RAPGEF1: variants seen among roughly 807,000 people sequenced by gnomAD.
RAPGEF1 encodes Rap guanine nucleotide exchange factor 1, also known as CRK SH3-binding GNRP.
In RAPGEF1, 33 loss-of-function variants were observed where a neutral mutation model predicts 143.3. The observed-to-expected ratio is 0.23, with a 90% CI of 0.17 to 0.31. RAPGEF1 has a LOEUF of 0.31. RAPGEF1 is among the 10% of genes least tolerant of loss of function. The pLI is 1.00. For missense variants in RAPGEF1, 1,199 were observed against 1,645.4 expected (o/e 0.73, Z 4.69); for synonymous variants, 629 against 676.5 (o/e 0.93, Z 1.09).
chr9:131,627,950 A>G lies in RAPGEF1; in HGVS notation c.1164T>C (p.Ser388=), dbSNP rs2133029903. The G allele has an allele frequency of 1.3e-6, 2 of 1,589,224 alleles. No individual in the cohort carries two copies. Among genetic ancestry groups the G allele is most frequent in the East Asian group, 4.6e-5 (2 of 43,728 alleles). ...DEQLSSLDRD[S]GQCSRNTSCE... Reference sequence around the variant, plus strand: ...AGCTTGTGTTCCGGGAGCACTGCCCACTGTCCCTGTCCAGAGAGGACAGCT... The same window carrying G: ...AGCTTGTGTTCCGGGAGCACTGCCCGCTGTCCCTGTCCAGAGAGGACAGCT... The change falls in exon 9 of 27, where the codon AGT becomes AGC. Residue 388 remains serine, a synonymous_variant. Coordinates refer to ENST00000683357, the MANE Select transcript of RAPGEF1 (RefSeq NM_001377935.1).
chr9:131,611,362 A>G (rs1301394000), intron 12 of RAPGEF1, among the ~76,000 whole-genome samples: 2 of 152,246 alleles, frequency 1.3e-5, no homozygotes, highest in African/African-American at 4.8e-5. Flanking sequence ...GAATATCCTA[A>G]GAAAAAAGGA....
intron 1 of RAPGEF1, among the ~76,000 whole-genome samples, chr9:131,689,043 T>TA (rs1833582750): frequency 1.3e-5 from 2 of 152,252 alleles, no homozygotes; most frequent in Non-Finnish European, 2.9e-5. Context: ...TTAAACTCGT[T>TA]TCATCCAAGA....
chr9:131,646,141 T>C (rs1483242111), intron 3 of RAPGEF1, among the ~76,000 whole-genome samples: 1 of 152,188 alleles, frequency 6.6e-6, no homozygotes, highest in Non-Finnish European at 1.5e-5. Context: ...GGATTTTATA[T>C]AGGCTATTTT....
At chr9:131,731,564 T>C (rs985916300) in intron 1 of RAPGEF1, among the ~76,000 whole-genome samples, 4 of 152,186 alleles carry the variant, frequency 2.6e-5, no homozygotes, top group Non-Finnish European at 5.9e-5. Context: ...TTACTGTCAG[T>C]GTCACACTCC....
At chr9:131,633,478 T>C (rs1209210579) in intron 5 of RAPGEF1, among the ~76,000 whole-genome samples, 1 of 152,208 alleles carries the variant, frequency 6.6e-6, no homozygotes, top group Non-Finnish European at 1.5e-5. Flanking sequence ...GTCTGTGTTG[T>C]TTGCATCTGT....
Position 131,604,915 on chromosome 9 carries a change from C to T in RAPGEF1, c.2319+16G>A, listed in dbSNP as rs1168598703. ...GTGTGTGTGTGTGTGTGTGTGTGTG[C>T]ACGCTGAGTTCTCACCGAGTCAGTG... On this transcript the variant is annotated intron_variant, in intron 13 of 26. Transcript: ENST00000683357. 2.3e-6 allele frequency: 3 copies of T among 1,286,568 alleles called. No individual in the cohort carries two copies. Among genetic ancestry groups the T allele is most frequent in the Non-Finnish European group, 2.0e-6 (2 of 978,372 alleles). The allele number at this position is 1,286,568 out of a possible 1,614,324, so 79.7% of individuals were successfully genotyped here.
At chr9:131,729,460 C>T (rs762071173) in intron 1 of RAPGEF1, among the ~76,000 whole-genome samples, 33 of 152,212 alleles carry the variant, frequency 2.2e-4, no homozygotes, top group Non-Finnish European at 4.3e-4. Flanking sequence ...AGCAAATGTA[C>T]TTTTTAAGCC....
intron 1 of RAPGEF1, among the ~76,000 whole-genome samples, chr9:131,693,814 C>CA (rs5900951): frequency 0.34 from 51,127 of 151,826 alleles, 8,998 homozygotes; most frequent in Middle Eastern, 0.44. Context: ...CCACTGCCAC[C>CA]ACCCTTATCT....
At chr9:131,734,206 G>A (rs1837273070) in intron 1 of RAPGEF1, among the ~76,000 whole-genome samples, 1 of 152,094 alleles carries the variant, frequency 6.6e-6, no homozygotes, top group Non-Finnish European at 1.5e-5. Flanking sequence ...CTCTATAAAG[G>A]CAAGAAAGGG....
Position 131,655,886 on chromosome 9 carries a change from CA to C in RAPGEF1, c.62-4938del, listed in dbSNP as rs1310835923. 2.0e-5 allele frequency among the ~76,000 whole-genome samples: 3 copies of C among 151,996 alleles called. No individual in the cohort carries two copies. The highest frequency in any genetic ancestry group is 4.4e-5 in the Non-Finnish European group (3 of 68,000). ...ACAGGTGTGAGCCACCGCGCCCGGC[CA>C]AAAAATTTTCTAAAAGGGGGGTGTG... On this transcript the variant is annotated intron_variant, in intron 1 of 26. Transcript: ENST00000683357. The surrounding 1 kb of genome is among the most constrained non-coding windows in gnomAD (Gnocchi z 4.1).
chr9:131,711,783 G>A (rs17462026), intron 1 of RAPGEF1, among the ~76,000 whole-genome samples: 34,739 of 152,112 alleles, frequency 0.23, 4,581 homozygotes, highest in Non-Finnish European at 0.3. Flanking sequence ...TACAAAATGG[G>A]AGCAAGTATA....
chr9:131,705,363 A>G (rs1429017882), intron 1 of RAPGEF1, among the ~76,000 whole-genome samples: 1 of 152,170 alleles, frequency 6.6e-6, no homozygotes, highest in East Asian at 1.9e-4. Flanking sequence ...TAAACAGATC[A>G]ATTAAAAAAA....
chr9:131,631,845 A>G (rs369972504), intron 5 of RAPGEF1, among the ~76,000 whole-genome samples: 2 of 152,264 alleles, frequency 1.3e-5, no homozygotes, highest in African/African-American at 4.8e-5. Flanking sequence ...GTCAATAATC[A>G]TAAGACATTC....
chr9:131,716,177 T>C (rs1288544114), intron 1 of RAPGEF1, among the ~76,000 whole-genome samples: 1 of 152,206 alleles, frequency 6.6e-6, no homozygotes, highest in East Asian at 1.9e-4. Flanking sequence ...CCAGCCCATC[T>C]TTCTTGTGCA....
rs377172818 is a variant in RAPGEF1, at chr9:131,719,974, C to T, written c.61+19796G>A. Among the ~76,000 whole-genome samples, 28 of 152,034 alleles carry T rather than the reference C, an allele frequency of 1.8e-4. No individual in the cohort carries two copies. The East Asian group carries it at 5.0e-3, about 27-fold the overall frequency. On this transcript the variant is annotated intron_variant, in intron 1 of 26. Coordinates refer to ENST00000683357, the MANE Select transcript of RAPGEF1 (RefSeq NM_001377935.1). ...GATCTCAGCTCACTGCAACCTCCCCCTTCTGGGTTCAAGCGATTCTCCTGC... is the reference window on the plus strand; with the variant it reads ...GATCTCAGCTCACTGCAACCTCCCCTTTCTGGGTTCAAGCGATTCTCCTGC...
intron 17 of RAPGEF1, among the ~76,000 whole-genome samples, chr9:131,594,002 G>C (rs1316127756): frequency 6.6e-6 from 1 of 152,184 alleles, no homozygotes; most frequent in Admixed American, 6.5e-5. Context: ...TCAATGCCCA[G>C]AGCAATCCCA....
chr9:131,625,550 G>A (rs1002486118), intron 10 of RAPGEF1, among the ~76,000 whole-genome samples: 1 of 149,566 alleles, frequency 6.7e-6, no homozygotes, highest in Admixed American at 6.7e-5. Context: ...TGAAATTCAC[G>A]TATCCACCTC....
chr9:131,738,593 A>G (rs1837564257), intron 1 of RAPGEF1, among the ~76,000 whole-genome samples: 1 of 152,238 alleles, frequency 6.6e-6, no homozygotes, highest in Admixed American at 6.5e-5. Context: ...CTGTCTGGAC[A>G]GCCGGAACTC....
chr9:131,594,070 C>A (rs1305334131), intron 17 of RAPGEF1, among the ~76,000 whole-genome samples: 1 of 152,204 alleles, frequency 6.6e-6, no homozygotes, highest in East Asian at 1.9e-4. Context: ...CGAGGCCACA[C>A]CACCCGCAAG....
Sources: gnomAD v4.1 joint callset for allele counts (sites outside exome capture counted in the v4.1 genomes callset) on GRCh38, gnomAD v4.1.1 for gene constraint, Gnocchi (gnomAD v3.1) non-coding constraint, MANE v1.5 for transcripts, NCBI Gene and HGNC (gene_info 2026-07-23, HGNC 2026-07-21) for gene names.